Variants in GLDC observed in about 807,000 individuals in gnomAD.
GLDC encodes the protein glycine decarboxylase.
A neutral mutation model predicts 121.3 loss-of-function variants in GLDC; 104 were observed. That is an observed-to-expected ratio of 0.86 (90% CI 0.73 to 1.01). The LOEUF is 1.01. GLDC is among the 50% of genes least tolerant of loss of function. The probability of loss-of-function intolerance (pLI) is 0.00; values close to 1 mark genes in which losing one functional copy is unlikely to be tolerated. For synonymous variants in GLDC, 546 were observed against 480.6 expected (o/e 1.14, Z -1.78); for missense variants, 1,429 against 1,306.6 (o/e 1.09, Z -1.44).
intron 15 of GLDC, among the ~76,000 whole-genome samples, chr9:6,571,165 C>CT (rs200717936): frequency 6.6e-6 from 1 of 151,358 alleles, no homozygotes; most frequent in Non-Finnish European, 1.5e-5. Flanking sequence ...GGAATAGCTA[C>CT]TTTTTTTAAA....
rs376941585 is a variant in GLDC, at chr9:6,595,149, G to A, written c.1156-30C>T. 279 of 1,396,678 alleles carry A rather than the reference G, an allele frequency of 2.0e-4. No homozygotes were observed. In the African/African-American group the frequency reaches 2.3e-3, roughly 11 times the overall value. The allele number at this position is 1,396,678 out of a possible 1,614,324, so 86.5% of individuals were successfully genotyped here. ...AAGATAAGAACATTTAAAGAATCAC[G>A]TGATGGAGGACAATTAGTGGGAGGG... On this transcript the variant is annotated intron_variant, in intron 8 of 24. Coordinates refer to ENST00000321612, the MANE Select transcript of GLDC (RefSeq NM_000170.3).
chr9:6,603,384 G>C (rs1396152446), intron 7 of GLDC, among the ~76,000 whole-genome samples: 1 of 151,900 alleles, frequency 6.6e-6, no homozygotes, highest in Non-Finnish European at 1.5e-5. Flanking sequence ...TGGGAGGCTG[G>C]GGTGGGCAGA....
chr9:6,645,152 C>T (rs1819715867), intron 1 of GLDC, 93 bp downstream of exon 1: 6 of 1,291,590 alleles, frequency 4.6e-6, no homozygotes, highest in Non-Finnish European at 6.3e-6. Flanking sequence ...ACGCGGAGCG[C>T]AGCAGAGCTC....
intron 3 of GLDC, among the ~76,000 whole-genome samples, chr9:6,615,571 G>A (rs1818952439): frequency 2.0e-5 from 3 of 147,130 alleles, no homozygotes; most frequent in South Asian, 4.4e-4. Flanking sequence ...GACAGACGGA[G>A]ACCTTGTCTT....
At chr9:6,533,271 A>G (rs561834266) in intron 24 of GLDC, 111 bp from the exon 25 acceptor site, 1 of 916,712 alleles carries the variant, frequency 1.1e-6, no homozygotes, top group Admixed American at 1.7e-5. Flanking sequence ...AGCCCAGCAA[A>G]TATTCTGAGA....
intron 2 of GLDC, among the ~76,000 whole-genome samples, chr9:6,627,466 A>C (rs530984660): frequency 6.6e-6 from 1 of 151,958 alleles, no homozygotes. Flanking sequence ...GCACCTGTGG[A>C]CTCTGCCCCT....
At chr9:6,638,602 T>G (rs1193292932) in intron 2 of GLDC, among the ~76,000 whole-genome samples, 1 of 152,214 alleles carries the variant, frequency 6.6e-6, no homozygotes, top group Admixed American at 6.5e-5. Context: ...TGAACGCTCA[T>G]GACATTTTAC....
chr9:6,631,613 G>A (rs1392002314), intron 2 of GLDC, among the ~76,000 whole-genome samples: 1 of 152,194 alleles, frequency 6.6e-6, no homozygotes, highest in Non-Finnish European at 1.5e-5. Context: ...AGTTTGAAAT[G>A]AGAATCAGTG....
intron 21 of GLDC, among the ~76,000 whole-genome samples, chr9:6,548,137 C>G (rs1357837145): frequency 6.6e-6 from 1 of 152,106 alleles, no homozygotes; most frequent in African/African-American, 2.4e-5. Flanking sequence ...ATAAAACTAT[C>G]TGTAGTATGA....
At chr9:6,541,630 C>G in intron 21 of GLDC, 1 of 151,602 alleles carries the variant, frequency 6.6e-6, no homozygotes. Context: ...CAAAACCAGC[C>G]TGGCCGACAT....
chr9:6,621,407 A>G (rs1043799733), intron 2 of GLDC, among the ~76,000 whole-genome samples: 27 of 152,200 alleles, frequency 1.8e-4, no homozygotes, highest in African/African-American at 6.3e-4. Flanking sequence ...GAAGACGGTC[A>G]CTTGGCTGAG....
chr9:6,611,513 G>A (rs375496872), intron 3 of GLDC, among the ~76,000 whole-genome samples: 33 of 149,434 alleles, frequency 2.2e-4, no homozygotes, highest in African/African-American at 5.4e-4. Context: ...CTGAGATCAC[G>A]CCACTGTACT....
intron 21 of GLDC, among the ~76,000 whole-genome samples, chr9:6,547,788 G>C (rs1376213119): frequency 6.6e-6 from 1 of 152,128 alleles, no homozygotes; most frequent in Non-Finnish European, 1.5e-5. Flanking sequence ...AGAATATTTA[G>C]TGACAGGGGA....
Position 6,577,726 on chromosome 9 carries a change from G to A in GLDC, c.1850+9415C>T, listed in dbSNP as rs182753674. ...ACACACACACACGCAGTTTTACGCA[G>A]CTAACATCTGTTGTACTAAATTTTA... On this transcript the variant is annotated intron_variant, in intron 15 of 24. Coordinates refer to ENST00000321612, the MANE Select transcript of GLDC (RefSeq NM_000170.3). 2.4e-3 allele frequency among the ~76,000 whole-genome samples: 366 copies of A among 151,918 alleles called. 2 individuals carry two copies. The highest frequency in any genetic ancestry group is 8.2e-3 in the African/African-American group (340 of 41,448).
chr9:6,589,377 C>A, intron 11 of GLDC, 85 bp from the exon 12 acceptor site: 1 of 776,708 alleles, frequency 1.3e-6, no homozygotes, highest in Non-Finnish European at 2.4e-6. Context: ...GGCTGGGCCA[C>A]AAAGCACTCA....
At chr9:6,604,865 A>G in intron 6 of GLDC, 81 bp from the exon 7 acceptor site, 1 of 1,168,844 alleles carries the variant, frequency 8.6e-7, no homozygotes, top group Non-Finnish European at 1.3e-6. Context: ...TATCTTAACT[A>G]CAGGAAGACG....
chr9:6,594,419 G>C (rs1205434977), intron 9 of GLDC, among the ~76,000 whole-genome samples: 1 of 152,110 alleles, frequency 6.6e-6, no homozygotes, highest in East Asian at 1.9e-4. Flanking sequence ...GTCTAAGCCA[G>C]GCATGGTGGC....
intron 2 of GLDC, among the ~76,000 whole-genome samples, chr9:6,631,036 C>G (rs138391046): frequency 1.3e-5 from 2 of 152,182 alleles, no homozygotes; most frequent in African/African-American, 4.8e-5. Context: ...CTCTGCACAG[C>G]GTACAGAGGA....
chr9:6,557,255 A>T (rs1401254791), intron 17 of GLDC, among the ~76,000 whole-genome samples: 2 of 152,242 alleles, frequency 1.3e-5, no homozygotes, highest in Non-Finnish European at 2.9e-5. Flanking sequence ...GTATAGAAAC[A>T]TCACTATATA....
Sources: allele counts gnomAD v4.1 joint callset (sites outside exome capture counted in the v4.1 genomes callset), GRCh38; gene constraint gnomAD v4.1.1; transcripts MANE v1.5; gene names NCBI Gene and HGNC (gene_info 2026-07-23, HGNC 2026-07-21).